Variants in TTC27 observed in about 807,000 individuals in gnomAD.
TTC27 encodes the protein tetratricopeptide repeat domain 27.
In TTC27, 79 loss-of-function variants were observed where a neutral mutation model predicts 115.9. The observed-to-expected ratio is 0.68, with a 90% CI of 0.57 to 0.82. The LOEUF is 0.82. Among genes scored for constraint, TTC27 ranks in the 40% least tolerant of loss-of-function variants. TTC27 has a pLI of 0.00. For missense variants in TTC27, 1,054 were observed against 993.1 expected, an observed-to-expected ratio of 1.06 and a Z score of -0.82; for synonymous variants, 401 against 356.0, an observed-to-expected ratio of 1.13 and a Z score of -1.42.
At chr2:32,765,823 A>G (rs1414754674) in intron 13 of TTC27, among the ~76,000 whole-genome samples, 1 of 152,162 alleles carries the variant, frequency 6.6e-6, no homozygotes, top group African/African-American at 2.4e-5. Context: ...CTCATGAACC[A>G]TCTCTACTAG....
intron 10 of TTC27, among the ~76,000 whole-genome samples, chr2:32,729,992 T>C (rs569730774): frequency 3.9e-5 from 6 of 152,276 alleles, no homozygotes; most frequent in African/African-American, 1.4e-4. Flanking sequence ...TTTCTGGGCG[T>C]GTGTGAAAGC....
In TTC27 at chr2:32,721,563, C is replaced by T. The variant is rs1476461567; in HGVS notation, c.1234-12265C>T. 2.0e-5 allele frequency among the ~76,000 whole-genome samples: 3 copies of T among 151,770 alleles called. No individual in the cohort carries two copies. The East Asian group carries it at 5.8e-4, about 29-fold the overall frequency. ...GAAGATAAATCACAAGCTGCTATGGCCAAGATTGTTAAGCTTCCTCACCTT... is the reference window on the plus strand; with the variant it reads ...GAAGATAAATCACAAGCTGCTATGGTCAAGATTGTTAAGCTTCCTCACCTT... On this transcript the variant is annotated intron_variant, in intron 10 of 19. Coordinates refer to ENST00000317907, the MANE Select transcript of TTC27 (RefSeq NM_017735.5).
intron 3 of TTC27, among the ~76,000 whole-genome samples, chr2:32,639,926 G>C (rs983858807): frequency 1.3e-5 from 2 of 152,174 alleles, no homozygotes; most frequent in African/African-American, 4.8e-5. Context: ...TTGAGCCCGG[G>C]AGATGGAAGT....
rs868258169 is a variant in TTC27, at chr2:32,706,077, C to T, written c.1233+3157C>T. 7.8e-3 allele frequency among the ~76,000 whole-genome samples: 413 copies of T among 53,252 alleles called. 2 individuals carry two copies. Among genetic ancestry groups the T allele is most frequent in the Middle Eastern group, 0.019 (1 of 52 alleles). 34.9% of individuals were successfully genotyped at this position (53,252 alleles called of 152,430 possible). On this transcript the variant is annotated intron_variant, in intron 10 of 19. Coordinates refer to ENST00000317907, the MANE Select transcript of TTC27 (RefSeq NM_017735.5). Reference sequence around the variant, plus strand: ...ATTATCATTCCTTATTTACCTTACTCTTTTTTTTTTTTTTTTTTTTTTTTT... The same window carrying T: ...ATTATCATTCCTTATTTACCTTACTTTTTTTTTTTTTTTTTTTTTTTTTTT...
chr2:32,667,118 C>G (rs1203637877), intron 7 of TTC27, among the ~76,000 whole-genome samples: 2 of 152,056 alleles, frequency 1.3e-5, no homozygotes, highest in African/African-American at 2.4e-5. Context: ...TCTCTATCTG[C>G]TATCATATTT....
At chr2:32,710,770 T>G (rs1236370394) in intron 10 of TTC27, among the ~76,000 whole-genome samples, 1 of 152,116 alleles carries the variant, frequency 6.6e-6, no homozygotes, top group African/African-American at 2.4e-5. Flanking sequence ...TTGTGAAGAT[T>G]ATGTTTTTAG....
intron 16 of TTC27, among the ~76,000 whole-genome samples, chr2:32,794,493 C>T (rs1670635820): frequency 6.6e-6 from 1 of 151,852 alleles, no homozygotes; most frequent in African/African-American, 2.4e-5. Flanking sequence ...TACTTTAAAA[C>T]ACAAGAAATA....
At chr2:32,664,092 A>G (rs1028986176) in intron 5 of TTC27, among the ~76,000 whole-genome samples, 3 of 152,162 alleles carry the variant, frequency 2.0e-5, no homozygotes, top group Non-Finnish European at 2.9e-5. Flanking sequence ...AGTGTACATA[A>G]TGTCCTTAGC....
intron 7 of TTC27, among the ~76,000 whole-genome samples, chr2:32,671,879 T>A (rs949413343): frequency 3.9e-5 from 6 of 152,240 alleles, no homozygotes; most frequent in Non-Finnish European, 8.8e-5. Flanking sequence ...ACTTTGAGTG[T>A]GATCTTGGAT....
chr2:32,704,240 G>T (rs1039957281), intron 10 of TTC27, among the ~76,000 whole-genome samples: 4 of 151,906 alleles, frequency 2.6e-5, no homozygotes, highest in African/African-American at 7.3e-5. Flanking sequence ...AGGTTGGAGT[G>T]CAGTGGCACA....
intron 14 of TTC27, 70 bp from the exon 15 acceptor site, chr2:32,782,556 T>C: frequency 7.3e-7 from 1 of 1,375,230 alleles, no homozygotes; most frequent in Non-Finnish European, 1.0e-6. Flanking sequence ...GAGTGTGTTG[T>C]ACTTTTGGTT....
At chr2:32,746,563 C>A (rs377683202) in intron 12 of TTC27, among the ~76,000 whole-genome samples, 10 of 46,306 alleles carry the variant, frequency 2.2e-4, no homozygotes, top group East Asian at 9.9e-4. Flanking sequence ...AACTCCATCT[C>A]AAAAAAAAAA....
intron 13 of TTC27, chr2:32,766,570 T>C: frequency 3.8e-6 from 1 of 262,730 alleles, no homozygotes. Context: ...CTGTCCTATA[T>C]GTGTGCAGTT....
intron 12 of TTC27, among the ~76,000 whole-genome samples, chr2:32,755,548 G>A (rs1005249877): frequency 6.6e-6 from 1 of 152,134 alleles, no homozygotes; most frequent in East Asian, 1.9e-4. Flanking sequence ...GTCCAGCTTC[G>A]GCTCGGCATC....
chr2:32,672,490 G>A, intron 8 of TTC27, 106 bp downstream of exon 8: 2 of 765,844 alleles, frequency 2.6e-6, no homozygotes, highest in Non-Finnish European at 4.4e-6. Context: ...GATGAATAGG[G>A]AATTTTGTAG....
intron 10 of TTC27, among the ~76,000 whole-genome samples, chr2:32,704,294 C>T (rs1667291231): frequency 6.6e-6 from 1 of 152,026 alleles, no homozygotes. Flanking sequence ...TCAAGCAATT[C>T]TTATGCCTCA....
At chr2:32,752,230 A>G (rs1669044733) in intron 12 of TTC27, among the ~76,000 whole-genome samples, 1 of 152,194 alleles carries the variant, frequency 6.6e-6, no homozygotes, top group East Asian at 1.9e-4. Context: ...GCACTTTTCA[A>G]AAATGCTGGT....
chr2:32,704,759 C>T, intron 10 of TTC27: 2 of 423,674 alleles, frequency 4.7e-6, no homozygotes, highest in Admixed American at 2.7e-5. Flanking sequence ...TGGAGACTGC[C>T]CTTCAGTTTG....
chr2:32,696,137 A>C (rs7580120), intron 9 of TTC27, among the ~76,000 whole-genome samples: 1 of 149,078 alleles, frequency 6.7e-6, no homozygotes, highest in Non-Finnish European at 1.5e-5. Flanking sequence ...AAAAAAAAAA[A>C]AATAATTGTT....
Sources: gnomAD v4.1 joint callset for allele counts (sites outside exome capture counted in the v4.1 genomes callset) on GRCh38, gnomAD v4.1.1 for gene constraint, MANE v1.5 for transcripts, NCBI Gene and HGNC (gene_info 2026-07-23, HGNC 2026-07-21) for gene names.